SKAP1: variants seen among roughly 807,000 people sequenced by gnomAD.
SKAP1 encodes src kinase-associated phosphoprotein 1.
In SKAP1, 44 loss-of-function variants were observed where a neutral mutation model predicts 58.5. The observed-to-expected ratio is 0.75, with a 90% CI of 0.59 to 0.97. The LOEUF (loss-of-function observed/expected upper bound fraction) is 0.97. SKAP1 is among the 50% of genes least tolerant of loss of function. The probability of loss-of-function intolerance (pLI) is 0.00; values close to 1 mark genes in which losing one functional copy is unlikely to be tolerated. For synonymous variants in SKAP1, 127 were observed against 149.7 expected, an observed-to-expected ratio of 0.85 and a Z score of 1.11; for missense variants, 390 against 435.2, an observed-to-expected ratio of 0.90 and a Z score of 0.92.
upstream of SKAP1, among the ~76,000 whole-genome samples, chr17:48,433,378 C>A (rs898305409): frequency 6.6e-6 from 1 of 152,162 alleles, no homozygotes; most frequent in African/African-American, 2.4e-5. Flanking sequence ...CTGCCTGGGT[C>A]CTGTTCTGTG....
chr17:48,145,078 G>A (rs2063812158), intron 11 of SKAP1, among the ~76,000 whole-genome samples: 1 of 151,918 alleles, frequency 6.6e-6, no homozygotes, highest in South Asian at 2.1e-4. Flanking sequence ...CTTTCCATCA[G>A]GGCTTGCTTC....
At chr17:48,305,348 C>T (rs1484997089) in intron 4 of SKAP1, among the ~76,000 whole-genome samples, 1 of 152,068 alleles carries the variant, frequency 6.6e-6, no homozygotes, top group Non-Finnish European at 1.5e-5. Flanking sequence ...CTGCACCTGG[C>T]CTATAATAAA....
chr17:48,311,080 G>C (rs1277155410), intron 4 of SKAP1, among the ~76,000 whole-genome samples: 1 of 152,148 alleles, frequency 6.6e-6, no homozygotes, highest in African/African-American at 2.4e-5. Flanking sequence ...GGTCAGGTCA[G>C]ACCCCGGGAT....
At chr17:48,280,575 A>G (rs1163782978) in intron 4 of SKAP1, among the ~76,000 whole-genome samples, 1 of 152,204 alleles carries the variant, frequency 6.6e-6, no homozygotes, top group Non-Finnish European at 1.5e-5. Flanking sequence ...TGACAAATAT[A>G]TACATATATA....
At chr17:48,257,676 G>C (rs1419135479) in intron 4 of SKAP1, among the ~76,000 whole-genome samples, 1 of 131,410 alleles carries the variant, frequency 7.6e-6, no homozygotes, top group Non-Finnish European at 1.6e-5. Flanking sequence ...ATTTAGTCCT[G>C]GTGCCTGAAT....
At chr17:48,188,825 C>A (rs890827848) in intron 5 of SKAP1, among the ~76,000 whole-genome samples, 8 of 152,110 alleles carry the variant, frequency 5.3e-5, no homozygotes, top group African/African-American at 1.9e-4. Context: ...ATGATGAAAT[C>A]CTGTCTCTGC....
chr17:48,338,968 C>T (rs552390053), intron 4 of SKAP1, among the ~76,000 whole-genome samples: 4 of 152,176 alleles, frequency 2.6e-5, no homozygotes, highest in Admixed American at 2.6e-4. Flanking sequence ...TTACCCTTAT[C>T]ACAGTAAACT....
At chr17:48,245,826 A>G (rs2065289916) in intron 4 of SKAP1, among the ~76,000 whole-genome samples, 1 of 152,108 alleles carries the variant, frequency 6.6e-6, no homozygotes, top group Non-Finnish European at 1.5e-5. Context: ...AAATATAAAA[A>G]TTAGCCAGTG....
At chr17:48,391,920 T>G (rs1159067626) in intron 2 of SKAP1, among the ~76,000 whole-genome samples, 1 of 152,148 alleles carries the variant, frequency 6.6e-6, no homozygotes, top group Non-Finnish European at 1.5e-5. Flanking sequence ...CATTATACAT[T>G]AGTTCTTTTG....
chr17:48,173,134 T>C (rs1598394778), intron 9 of SKAP1, among the ~76,000 whole-genome samples: 1 of 151,976 alleles, frequency 6.6e-6, no homozygotes, highest in African/African-American at 2.4e-5. Flanking sequence ...AAGCCATGAT[T>C]GCGCTACTGC....
chr17:48,148,797 ATCG>A (rs1216164669), intron 11 of SKAP1, among the ~76,000 whole-genome samples: 1 of 152,024 alleles, frequency 6.6e-6, no homozygotes, highest in African/African-American at 2.4e-5. Context: ...ATTTCCAGAG[ATCG>A]TCTTTTCTGC....
chr17:48,191,384 TTAAA>T (rs1355050435), intron 4 of SKAP1, among the ~76,000 whole-genome samples: 2 of 152,242 alleles, frequency 1.3e-5, no homozygotes, highest in Admixed American at 6.5e-5. Context: ...TTGGATTGTC[TTAAA>T]TAATTTATGA....
At position 48,157,703 on chromosome 17, in the gene SKAP1, A is replaced by G. The variant is rs567485069; in HGVS notation, c.978+4766T>C. Among the ~76,000 whole-genome samples the G allele has an allele frequency of 2.4e-5, 3 of 123,188 alleles. No individual in the cohort carries two copies. The South Asian group carries it at 7.9e-4, about 33-fold the overall frequency. 80.8% of individuals were successfully genotyped at this position (123,188 alleles called of 152,430 possible). A position where few individuals can be genotyped will look rare whatever the true frequency, so the allele number is the denominator to read the frequency against. On this transcript the variant is annotated intron_variant, in intron 11 of 12. Transcript: ENST00000336915. ...ACCAGCATGCCCAGCTAGCTTTTGT[A>G]TTTTTAGTGGAGACTGGGTTTCACC... is the stretch of plus-strand genomic sequence containing the variant.
chr17:48,262,653 T>C (rs2065497741), intron 4 of SKAP1, among the ~76,000 whole-genome samples: 1 of 152,186 alleles, frequency 6.6e-6, no homozygotes, highest in South Asian at 2.1e-4. Context: ...CTTATCCTGT[T>C]AAAAAGCCCA....
At chr17:48,433,605 G>C (rs1466853469), upstream of SKAP1, among the ~76,000 whole-genome samples, 1 of 152,080 alleles carries the variant, frequency 6.6e-6, no homozygotes, top group Non-Finnish European at 1.5e-5. Flanking sequence ...AAAATACAAG[G>C]CCCTCACAGA....
At chr17:48,387,340 TG>T (rs1396632589) in intron 2 of SKAP1, among the ~76,000 whole-genome samples, 1 of 152,312 alleles carries the variant, frequency 6.6e-6, no homozygotes, top group East Asian at 1.9e-4. Flanking sequence ...CTCCTATCCC[TG>T]TGCACTCTCT....
chr17:48,392,068 A>G (rs1220669949), intron 2 of SKAP1, among the ~76,000 whole-genome samples: 1 of 152,210 alleles, frequency 6.6e-6, no homozygotes, highest in Non-Finnish European at 1.5e-5. Context: ...CTTGCTCCCA[A>G]GAGTTTTATC....
At chr17:48,418,713 A>G (rs921329548) in intron 1 of SKAP1, among the ~76,000 whole-genome samples, 1 of 152,248 alleles carries the variant, frequency 6.6e-6, no homozygotes, top group Non-Finnish European at 1.5e-5. Flanking sequence ...TATCAGCATA[A>G]GAATGGATAA....
chr17:48,420,750 A>T (rs1303380054), intron 1 of SKAP1, among the ~76,000 whole-genome samples: 1 of 152,058 alleles, frequency 6.6e-6, no homozygotes, highest in African/African-American at 2.4e-5. Context: ...GAGAAGGAAA[A>T]CATGTCTAGG....
Sources: allele counts gnomAD v4.1 joint callset (sites outside exome capture counted in the v4.1 genomes callset), GRCh38; gene constraint gnomAD v4.1.1; transcripts MANE v1.5; gene names NCBI Gene and HGNC (gene_info 2026-07-23, HGNC 2026-07-21).